The following VPS54 variants were observed in gnomAD, a reference collection of about 807,000 sequenced individuals.
The protein encoded by VPS54 is vacuolar protein sorting-associated protein 54.
In VPS54, 45 loss-of-function variants were observed where a neutral mutation model predicts 121.5. That is an observed-to-expected ratio of 0.37 (90% CI 0.29 to 0.47). VPS54 has a LOEUF of 0.47. Among genes scored for constraint, VPS54 ranks in the 20% least tolerant of loss-of-function variants. The probability of loss-of-function intolerance (pLI) is 0.99; values close to 1 mark genes in which losing one functional copy is unlikely to be tolerated. For missense variants in VPS54, 1,090 were observed against 1,131.4 expected, an observed-to-expected ratio of 0.96 and a Z score of 0.52; for synonymous variants, 371 against 385.8, an observed-to-expected ratio of 0.96 and a Z score of 0.45.
intron 10 of VPS54, among the ~76,000 whole-genome samples, chr2:63,942,908 C>T (rs1279664055): frequency 6.6e-6 from 1 of 152,158 alleles, no homozygotes; most frequent in Non-Finnish European, 1.5e-5. Context: ...CTAACTACAA[C>T]TTTAAAAATA....
At chr2:63,929,579 A>G (rs1247276572) in intron 12 of VPS54, among the ~76,000 whole-genome samples, 1 of 152,114 alleles carries the variant, frequency 6.6e-6, no homozygotes, top group Non-Finnish European at 1.5e-5. Context: ...ATCTAAAATC[A>G]ACACCCTAAC....
At chr2:63,946,677 A>G (rs1018789591) in intron 9 of VPS54, among the ~76,000 whole-genome samples, 2 of 152,220 alleles carry the variant, frequency 1.3e-5, no homozygotes, top group African/African-American at 2.4e-5. Context: ...AGTTCAGTGG[A>G]TAAGATTTAT....
At chr2:63,936,347 TA>T (rs969142558) in intron 11 of VPS54, among the ~76,000 whole-genome samples, 4 of 145,170 alleles carry the variant, frequency 2.8e-5, no homozygotes, top group Non-Finnish European at 1.6e-5. Context: ...AATAAGATTT[TA>T]AAATACATAA....
At chr2:63,951,487 G>T (rs1675241832) in intron 7 of VPS54, among the ~76,000 whole-genome samples, 2 of 152,068 alleles carry the variant, frequency 1.3e-5, no homozygotes, top group African/African-American at 4.8e-5. Context: ...AAACATAGAT[G>T]ACTAGCATCA....
chr2:63,933,527 T>G, intron 12 of VPS54, 146 bp downstream of exon 12: 3 of 697,030 alleles, frequency 4.3e-6, no homozygotes, highest in East Asian at 5.5e-5. Flanking sequence ...TACATTTTTA[T>G]AGAGATACGT....
intron 9 of VPS54, among the ~76,000 whole-genome samples, chr2:63,946,141 AT>A (rs1344332864): frequency 5.9e-5 from 9 of 152,124 alleles, no homozygotes; most frequent in Non-Finnish European, 1.0e-4. Context: ...GAATCATACA[AT>A]GTATACTTTT....
In VPS54 at chr2:63,981,804, G is replaced by T; in HGVS notation, c.220C>A (p.Pro74Thr). 6.2e-7 allele frequency: 1 copy of T among 1,613,720 alleles called. No homozygotes were observed. The highest frequency in any genetic ancestry group is 1.1e-5 in the South Asian group (1 of 91,070). ...AATCTAGGATCGTTTAATGCTGCTGGGAGATTTACTTTGGAATGATATACA... is the reference window on the plus strand; with the variant it reads ...AATCTAGGATCGTTTAATGCTGCTGTGAGATTTACTTTGGAATGATATACA... ...WTVYHSKVNL[P>T]AALNDPRLAK... The change falls in exon 3 of 23, where the codon CCA becomes ACA. Residue 74 changes from proline (P) to threonine (T), a missense_variant. Physicochemically the swap from Pro to Thr is conservative, Grantham distance 38 (BLOSUM62 -1). Coordinates refer to ENST00000272322, the MANE Select transcript of VPS54 (RefSeq NM_016516.3).
At chr2:63,951,402 A>C (rs1675236892) in intron 7 of VPS54, among the ~76,000 whole-genome samples, 2 of 152,052 alleles carry the variant, frequency 1.3e-5, no homozygotes, top group Admixed American at 1.3e-4. Context: ...TATTAAAGAC[A>C]ATAAAAACCA....
intron 22 of VPS54, among the ~76,000 whole-genome samples, chr2:63,894,630 G>A (rs1274564882): frequency 1.3e-5 from 2 of 151,804 alleles, no homozygotes; most frequent in African/African-American, 4.8e-5. Context: ...TTGAGCCACG[G>A]AGGTTGAGGC....
intron 4 of VPS54, among the ~76,000 whole-genome samples, chr2:63,970,775 G>A (rs1261675008): frequency 2.0e-5 from 3 of 152,034 alleles, no homozygotes; most frequent in African/African-American, 7.2e-5. Context: ...TCTTCTGTCT[G>A]CCCCTTAAAT....
intron 9 of VPS54, among the ~76,000 whole-genome samples, chr2:63,946,893 T>C (rs1394761255): frequency 1.3e-5 from 2 of 152,010 alleles, no homozygotes; most frequent in Non-Finnish European, 2.9e-5. Context: ...AACCAATACT[T>C]CTAGGAATCA....
intron 9 of VPS54, among the ~76,000 whole-genome samples, chr2:63,946,146 T>C (rs1053256259): frequency 2.0e-5 from 3 of 152,176 alleles, no homozygotes; most frequent in Non-Finnish European, 4.4e-5. Context: ...ATACAATGTA[T>C]ACTTTTCTGT....
intron 1 of VPS54, among the ~76,000 whole-genome samples, chr2:64,003,372 C>T (rs1677974215): frequency 6.6e-6 from 1 of 152,230 alleles, no homozygotes; most frequent in East Asian, 1.9e-4. Context: ...TGTATGAATA[C>T]TATGTTCAAA....
chr2:63,964,910 T>C (rs1675921826), intron 6 of VPS54, among the ~76,000 whole-genome samples: 1 of 152,154 alleles, frequency 6.6e-6, no homozygotes, highest in African/African-American at 2.4e-5. Context: ...AGATCAAATG[T>C]CTTTAGAAGA....
intron 6 of VPS54, among the ~76,000 whole-genome samples, chr2:63,963,133 T>C (rs1410100619): frequency 6.6e-6 from 1 of 152,092 alleles, no homozygotes; most frequent in Non-Finnish European, 1.5e-5. Context: ...TAAAATTCAT[T>C]TGGATTTTTT....
At chr2:63,935,074 A>G (rs1417299112) in intron 11 of VPS54, among the ~76,000 whole-genome samples, 4 of 152,186 alleles carry the variant, frequency 2.6e-5, no homozygotes, top group South Asian at 4.1e-4. Flanking sequence ...AACCACCACA[A>G]TCTGAGCTTA....
intron 11 of VPS54, among the ~76,000 whole-genome samples, chr2:63,939,986 G>A (rs1332490144): frequency 6.6e-6 from 1 of 152,070 alleles, no homozygotes; most frequent in Non-Finnish European, 1.5e-5. Context: ...TCGATCTCTT[G>A]ACCTTGTGAT....
At chr2:63,925,435 T>C (rs1044920337) in intron 12 of VPS54, among the ~76,000 whole-genome samples, 2 of 152,202 alleles carry the variant, frequency 1.3e-5, no homozygotes, top group African/African-American at 4.8e-5. Context: ...GAGGGGAGCA[T>C]AAATGAGTAC....
chr2:63,923,080 G>A (rs759902254), intron 12 of VPS54, among the ~76,000 whole-genome samples: 7 of 152,056 alleles, frequency 4.6e-5, no homozygotes, highest in Non-Finnish European at 5.9e-5. Context: ...TTGGAAGGCC[G>A]AGGCGGGCAG....
Sources: allele counts gnomAD v4.1 joint callset (sites outside exome capture counted in the v4.1 genomes callset), GRCh38; gene constraint gnomAD v4.1.1; transcripts MANE v1.5; gene names NCBI Gene and HGNC (gene_info 2026-07-23, HGNC 2026-07-21).